Variants in GALNT13 observed in about 807,000 individuals in gnomAD.
GALNT13 encodes the protein polypeptide N-acetylgalactosaminyltransferase 13.
A neutral mutation model predicts 64.2 loss-of-function variants in GALNT13; 28 were observed. The ratio of observed to expected loss-of-function variants is 0.44; its 90% CI spans 0.32 to 0.60. GALNT13 has a LOEUF of 0.60. GALNT13 is among the 20% of genes least tolerant of loss of function. GALNT13 has a pLI of 0.05. For synonymous variants in GALNT13, 214 were observed against 224.6 expected, an observed-to-expected ratio of 0.95 and a Z score of 0.42; for missense variants, 577 against 669.8, an observed-to-expected ratio of 0.86 and a Z score of 1.53.
chr2:153,795,566 A>G, the GALNT13 span, among the ~76,000 whole-genome samples: 1 of 152,032 alleles, frequency 6.6e-6, no homozygotes, highest in Non-Finnish European at 1.5e-5. Context: ...GGAGGGAAAA[A>G]TGTATCCTGT....
intron 4 of GALNT13, among the ~76,000 whole-genome samples, chr2:154,141,579 C>T (rs1255828982): frequency 6.6e-6 from 1 of 152,070 alleles, no homozygotes; most frequent in African/African-American, 2.4e-5. Context: ...CTTTCTGATT[C>T]ATTATAATCT....
At chr2:154,222,496 A>G (rs559712379) in intron 4 of GALNT13, among the ~76,000 whole-genome samples, 1 of 152,304 alleles carries the variant, frequency 6.6e-6, no homozygotes, top group Non-Finnish European at 1.5e-5. Context: ...TTGTTGATAA[A>G]ACACAGAATG....
chr2:153,678,492 A>G, the GALNT13 span, among the ~76,000 whole-genome samples: 2 of 152,078 alleles, frequency 1.3e-5, no homozygotes, highest in African/African-American at 4.8e-5. Flanking sequence ...ACACACGGAC[A>G]CAAAGAAGGA....
At chr2:154,274,707 C>G (rs1157419527) in intron 8 of GALNT13, among the ~76,000 whole-genome samples, 1 of 152,092 alleles carries the variant, frequency 6.6e-6, no homozygotes, top group Admixed American at 6.5e-5. Context: ...ATTACCCAGT[C>G]TTGGGTATGT....
chr2:154,233,576 T>C (rs1689040844), intron 4 of GALNT13, among the ~76,000 whole-genome samples: 1 of 152,162 alleles, frequency 6.6e-6, no homozygotes, highest in Admixed American at 6.6e-5. Context: ...GTGTGGTTGC[T>C]GGAAGTCTCA....
the GALNT13 span, among the ~76,000 whole-genome samples, chr2:153,738,684 A>C: frequency 1.3e-5 from 2 of 151,924 alleles, no homozygotes; most frequent in African/African-American, 4.8e-5. Context: ...TGGTTGAATT[A>C]TGTCTTTGAG....
chr2:153,539,021 G>T, the GALNT13 span, among the ~76,000 whole-genome samples: 3 of 94,804 alleles, frequency 3.2e-5, no homozygotes, highest in Non-Finnish European at 5.8e-5. Context: ...GTGTAAAAGT[G>T]TTCCTATTTC....
the GALNT13 span, among the ~76,000 whole-genome samples, chr2:153,792,372 A>C: frequency 0.23 from 35,663 of 152,064 alleles, 4,498 homozygotes; most frequent in Non-Finnish European, 0.28. Context: ...ATTATAAATA[A>C]TCTAGAGGCT....
At chr2:153,875,000 T>G (rs1686258616) in intron 1 of GALNT13, among the ~76,000 whole-genome samples, 3 of 152,122 alleles carry the variant, frequency 2.0e-5, no homozygotes, top group Non-Finnish European at 1.5e-5. Flanking sequence ...TGAAAAGTTC[T>G]CTCTTTTAAT....
chr2:153,585,300 C>G, the GALNT13 span, among the ~76,000 whole-genome samples: 1 of 148,204 alleles, frequency 6.7e-6, no homozygotes, highest in Non-Finnish European at 1.5e-5. Flanking sequence ...TTTAAAGCCT[C>G]AACAACGGAT....
the GALNT13 span, among the ~76,000 whole-genome samples, chr2:153,733,109 A>G: frequency 6.6e-6 from 1 of 152,140 alleles, no homozygotes; most frequent in Non-Finnish European, 1.5e-5. Flanking sequence ...AAGATAAGCT[A>G]ATGTCAACTA....
At chr2:153,324,252 A>G in the GALNT13 span, among the ~76,000 whole-genome samples, 121 of 152,242 alleles carry the variant, frequency 7.9e-4, no homozygotes, top group African/African-American at 2.8e-3. Context: ...TTATCTTTGT[A>G]GCAATTGTGA....
At chr2:153,329,275 G>A in the GALNT13 span, among the ~76,000 whole-genome samples, 1 of 152,110 alleles carries the variant, frequency 6.6e-6, no homozygotes, top group Non-Finnish European at 1.5e-5. Flanking sequence ...TCCCCAATTT[G>A]TTTTCTTATA....
chr2:153,540,150 C>A, the GALNT13 span, among the ~76,000 whole-genome samples: 2 of 152,164 alleles, frequency 1.3e-5, no homozygotes, highest in East Asian at 3.9e-4. Context: ...GGTCCAGGGC[C>A]CCCCTGCTGT....
chr2:153,535,670 A>G, the GALNT13 span, among the ~76,000 whole-genome samples: 2 of 152,212 alleles, frequency 1.3e-5, no homozygotes, highest in African/African-American at 2.4e-5. Flanking sequence ...GGAAAGTGGT[A>G]AAAGTATTGT....
At chr2:153,257,174 G>A in the GALNT13 span, among the ~76,000 whole-genome samples, 14 of 152,300 alleles carry the variant, frequency 9.2e-5, no homozygotes, top group South Asian at 8.3e-4. Flanking sequence ...TTTTAAGCCC[G>A]TCGGAAAAGC....
chr2:154,211,688 T>C (rs1175219496), intron 4 of GALNT13, among the ~76,000 whole-genome samples: 33 of 91,822 alleles, frequency 3.6e-4, no homozygotes, highest in African/African-American at 1.2e-3. Flanking sequence ...AAAGGTACAG[T>C]AAAAATGCAG....
chr2:153,760,616 A>G, the GALNT13 span, among the ~76,000 whole-genome samples: 5 of 152,072 alleles, frequency 3.3e-5, no homozygotes, highest in African/African-American at 9.7e-5. Flanking sequence ...TATGTTTTCA[A>G]TTTCTTCAAT....
chr2:153,254,003 C>T, the GALNT13 span, among the ~76,000 whole-genome samples: 1 of 152,122 alleles, frequency 6.6e-6, no homozygotes, highest in Admixed American at 6.5e-5. Context: ...AGGACAGATT[C>T]CCTCTTTTTC....
Sources: allele counts gnomAD v4.1 joint callset (sites outside exome capture counted in the v4.1 genomes callset), GRCh38; gene constraint gnomAD v4.1.1; transcripts MANE v1.5; gene names NCBI Gene and HGNC (gene_info 2026-07-23, HGNC 2026-07-21).